The following NXPE2 variants were observed in gnomAD, a reference collection of about 807,000 sequenced individuals.
NXPE2 encodes the protein NXPE family member 2.
NXPE2 carries 34 observed loss-of-function variants against 34.4 expected under a neutral mutation model. The observed-to-expected ratio is 0.99, with a 90% CI of 0.75 to 1.31. The LOEUF (loss-of-function observed/expected upper bound fraction) is 1.31, where lower values mean the gene tolerates loss of function less well. Among genes scored for constraint, NXPE2 ranks in the 40% most tolerant of loss-of-function variants. The probability of loss-of-function intolerance (pLI) is 0.00; values close to 1 mark genes in which losing one functional copy is unlikely to be tolerated. For synonymous variants in NXPE2, 235 were observed against 231.3 expected (o/e 1.02, Z -0.15); for missense variants, 649 against 672.5 (o/e 0.97, Z 0.39).
the NXPE2 span, among the ~76,000 whole-genome samples, chr11:114,626,208 C>T: frequency 6.6e-6 from 1 of 152,202 alleles, no homozygotes; most frequent in Non-Finnish European, 1.5e-5. Flanking sequence ...TCTGTAGGCT[C>T]CACCTCTGGG....
the NXPE2 span, among the ~76,000 whole-genome samples, chr11:114,646,690 T>G: frequency 1.1e-4 from 16 of 152,118 alleles, no homozygotes; most frequent in African/African-American, 3.9e-4. Context: ...TAATTAAAAA[T>G]TATTTTGAGG....
the NXPE2 span, among the ~76,000 whole-genome samples, chr11:114,473,322 A>G: frequency 6.6e-6 from 1 of 152,162 alleles, no homozygotes; most frequent in Non-Finnish European, 1.5e-5. Flanking sequence ...TTTTGCCACA[A>G]TAATCAGTGT....
At chr11:114,479,932 A>G in the NXPE2 span, among the ~76,000 whole-genome samples, 1 of 152,166 alleles carries the variant, frequency 6.6e-6, no homozygotes, top group Non-Finnish European at 1.5e-5. Flanking sequence ...GAAGGTGAAG[A>G]GGGAGCAGAT....
chr11:114,467,559 C>T, the NXPE2 span, among the ~76,000 whole-genome samples: 1 of 151,952 alleles, frequency 6.6e-6, no homozygotes, highest in African/African-American at 2.4e-5. Flanking sequence ...CTGTATGCCT[C>T]AGTACTAGGG....
the NXPE2 span, among the ~76,000 whole-genome samples, chr11:114,493,182 C>G: frequency 6.6e-6 from 1 of 152,024 alleles, no homozygotes; most frequent in East Asian, 1.9e-4. Context: ...TTTTCCATCC[C>G]TGTATTTTCA....
chr11:114,492,775 G>A, the NXPE2 span, among the ~76,000 whole-genome samples: 38 of 152,178 alleles, frequency 2.5e-4, no homozygotes, highest in African/African-American at 8.2e-4. Flanking sequence ...TCTTGACCTC[G>A]TGATCCGCCT....
chr11:114,748,138 A>T, the NXPE2 span, among the ~76,000 whole-genome samples: 1 of 152,090 alleles, frequency 6.6e-6, no homozygotes, highest in Admixed American at 6.6e-5. Flanking sequence ...CATACTTACA[A>T]ATGTTTTTTC....
chr11:114,646,705 A>T, the NXPE2 span, among the ~76,000 whole-genome samples: 1 of 152,260 alleles, frequency 6.6e-6, no homozygotes, highest in East Asian at 1.9e-4. Flanking sequence ...TTGAGGACAC[A>T]ACCTGCCAAG....
chr11:114,624,162 A>G, the NXPE2 span, among the ~76,000 whole-genome samples: 2 of 151,366 alleles, frequency 1.3e-5, no homozygotes, highest in Admixed American at 1.3e-4. Context: ...TGTGTAACCA[A>G]TGTTATATGG....
At chr11:114,469,109 C>CTTT in the NXPE2 span, among the ~76,000 whole-genome samples, 62 of 88,864 alleles carry the variant, frequency 7.0e-4, 2 homozygotes, top group East Asian at 1.0e-3. Flanking sequence ...ACAGTGCTAG[C>CTTT]TTTTTTTTTT....
At chr11:114,620,927 T>C in the NXPE2 span, among the ~76,000 whole-genome samples, 1 of 152,184 alleles carries the variant, frequency 6.6e-6, no homozygotes, top group Admixed American at 6.5e-5. Flanking sequence ...AAGCATTGCC[T>C]TGTGGGTAAC....
chr11:114,804,823 C>T, the NXPE2 span, among the ~76,000 whole-genome samples: 1 of 152,192 alleles, frequency 6.6e-6, no homozygotes, highest in Admixed American at 6.5e-5. Context: ...GGAGGAAGAC[C>T]AGGGCTTCCT....
chr11:114,623,481 C>T, the NXPE2 span, among the ~76,000 whole-genome samples: 8 of 151,228 alleles, frequency 5.3e-5, no homozygotes, highest in Non-Finnish European at 1.0e-4. Flanking sequence ...TATTTCCTCT[C>T]GGGTAACCAC....
the NXPE2 span, among the ~76,000 whole-genome samples, chr11:114,592,379 A>G: frequency 6.6e-6 from 1 of 152,120 alleles, no homozygotes; most frequent in Non-Finnish European, 1.5e-5. Flanking sequence ...ATACACCAAT[A>G]CCAAACAACC....
At chr11:114,575,197 T>A in the NXPE2 span, among the ~76,000 whole-genome samples, 1 of 151,966 alleles carries the variant, frequency 6.6e-6, no homozygotes, top group African/African-American at 2.4e-5. Context: ...TACCTTAAGG[T>A]AATAGAAGCC....
chr11:114,524,318 A>G, the NXPE2 span, among the ~76,000 whole-genome samples: 2 of 152,162 alleles, frequency 1.3e-5, no homozygotes, highest in African/African-American at 4.8e-5. Context: ...AGTATTGGGG[A>G]ACCATCAGCA....
At chr11:114,695,178 T>C (rs1951226438) in intron 2 of NXPE2, among the ~76,000 whole-genome samples, 1 of 152,196 alleles carries the variant, frequency 6.6e-6, no homozygotes, top group African/African-American at 2.4e-5. Context: ...TCCTAGAGAC[T>C]TCATCCTTGG....
chr11:114,703,197 T>C (rs191235509), intron 3 of NXPE2, among the ~76,000 whole-genome samples: 1 of 152,302 alleles, frequency 6.6e-6, no homozygotes, highest in Non-Finnish European at 1.5e-5. Context: ...ATGTAGACAC[T>C]CATAGGAGAT....
At chr11:114,540,730 G>A in the NXPE2 span, among the ~76,000 whole-genome samples, 1 of 150,106 alleles carries the variant, frequency 6.7e-6, no homozygotes, top group East Asian at 2.1e-4. Flanking sequence ...GTGGGAAGAT[G>A]AAACTTGGAA....
Sources: gnomAD v4.1 joint callset for allele counts (sites outside exome capture counted in the v4.1 genomes callset) on GRCh38, gnomAD v4.1.1 for gene constraint, MANE v1.5 for transcripts, NCBI Gene and HGNC (gene_info 2026-07-23, HGNC 2026-07-21) for gene names.